The following RAB42 variants were observed in gnomAD, a reference collection of about 807,000 sequenced individuals.
RAB42 encodes ras-related protein Rab-42.
In RAB42, 4 loss-of-function variants were observed where a neutral mutation model predicts 7.5. That is an observed-to-expected ratio of 0.53 (90% confidence interval 0.26 to 1.22). The LOEUF (loss-of-function observed/expected upper bound fraction) is 1.22, where lower values mean the gene tolerates loss of function less well. Among genes scored for constraint, RAB42 ranks in the 50% most tolerant of loss-of-function variants. The pLI is 0.13. For missense variants in RAB42, 208 were observed against 281.2 expected (o/e 0.74, Z 1.86); for synonymous variants, 82 against 129.0 (o/e 0.64, Z 2.47).
At position 28,594,884 on chromosome 1, in the gene RAB42, C is replaced by T. The variant is rs749355393; in HGVS notation, c.*767C>T. ...GCTGATGCATGGGCAAAGGCAGGTG[C>T]GGGGAATTCCAGGGGGAGCTTGGCT... On this transcript the variant is annotated 3_prime_UTR_variant, in exon 2 of 2. Transcript: ENST00000465518. The T allele has an allele frequency of 4.8e-5, 8 of 167,226 alleles. No individual in the cohort carries two copies. Among genetic ancestry groups the T allele is most frequent in the Admixed American group, 1.3e-4 (2 of 15,290 alleles). The allele number at this position is 167,226 out of a possible 1,614,324, so 10.4% of individuals were successfully genotyped here.
At position 28,592,716 on chromosome 1, in the gene RAB42, T is replaced by G; in HGVS notation, c.205T>G (p.Trp69Gly). The G allele has an allele frequency of 8.1e-7, 1 of 1,229,260 alleles. No individual in the cohort carries two copies. Among genetic ancestry groups the G allele is most frequent in the Non-Finnish European group, 1.0e-6 (1 of 986,408 alleles). 76.1% of individuals were successfully genotyped at this position (1,229,260 alleles called of 1,614,324 possible). Reference sequence around the variant, plus strand: ...CGGGCCGCGGGTCAAGCTGCAACTCTGGGACACCGCGGGCCACGAGCGCTT... The same window carrying G: ...CGGGCCGCGGGTCAAGCTGCAACTCGGGGACACCGCGGGCCACGAGCGCTT... ...RAGPRVKLQL[W>G]DTAGHERFRC... Residue 69 changes from tryptophan to glycine, a missense_variant, in exon 1 of 2, where the codon TGG becomes GGG. Physicochemically the swap from Trp to Gly is radical, Grantham distance 184 (BLOSUM62 -2). Coordinates refer to ENST00000465518, the MANE Select transcript of RAB42 (RefSeq NM_001193532.3). The surrounding 1 kb of genome is among the most constrained non-coding windows in gnomAD (Gnocchi z 4.1).
Position 28,594,152 on chromosome 1 carries a change from T to G in RAB42, c.*35T>G. The G allele has an allele frequency of 6.6e-7, 1 of 1,521,018 alleles. No individual in the cohort carries two copies. Among genetic ancestry groups the G allele is most frequent in the Non-Finnish European group, 8.8e-7 (1 of 1,133,060 alleles). The allele number at this position is 1,521,018 out of a possible 1,614,324, so 94.2% of individuals were successfully genotyped here. A position where few individuals can be genotyped will look rare whatever the true frequency, so the allele number is the denominator to read the frequency against. On this transcript the variant is annotated 3_prime_UTR_variant, in exon 2 of 2. Transcript: ENST00000465518. ...AGAAAGGGTTAAAGCAGTCCCAGCC[T>G]TAGCCCACCTGGTGGGATGGGGAGT... is the stretch of plus-strand genomic sequence containing the variant.
intron 1 of RAB42, 73 bp from the exon 2 acceptor site, chr1:28,593,621 G>A (rs1163804196): frequency 3.5e-6 from 5 of 1,429,860 alleles, no homozygotes; most frequent in Non-Finnish European, 4.7e-6. Flanking sequence ...AGGGGGAGGA[G>A]GTCCTGCCTC....
At chr1:28,593,568 G>A in intron 1 of RAB42, 126 bp from the exon 2 acceptor site, 1 of 1,072,896 alleles carries the variant, frequency 9.3e-7, no homozygotes, top group African/African-American at 1.6e-5. Flanking sequence ...ACGGGGCCGT[G>A]TGAAGTGAGC....
At position 28,594,032 on chromosome 1, in the gene RAB42, G is replaced by A. The variant is rs756486630; in HGVS notation, c.572G>A (p.Gly191Asp). 2 of 1,613,770 alleles carry A rather than the reference G, an allele frequency of 1.2e-6. No homozygotes were observed. Among genetic ancestry groups the A allele is most frequent in the Non-Finnish European group, 1.7e-6 (2 of 1,179,834 alleles). ...LQQGDIKLEEGWGGVRLIHKT... is the reference protein window; with the variant it reads ...LQQGDIKLEEDWGGVRLIHKT... ...CAGGGGGACATCAAGCTAGAAGAGGGCTGGGGGGGTGTCCGGCTCATCCAC... is the reference window on the plus strand; with the variant it reads ...CAGGGGGACATCAAGCTAGAAGAGGACTGGGGGGGTGTCCGGCTCATCCAC... The change falls in exon 2 of 2, where the codon GGC becomes GAC. Residue 191 changes from glycine to aspartate, a missense_variant. Transcript: ENST00000465518.
intron 1 of RAB42, 146 bp from the exon 2 acceptor site, chr1:28,593,548 G>A: frequency 1.1e-6 from 1 of 924,956 alleles, no homozygotes; most frequent in Non-Finnish European, 1.6e-6. Flanking sequence ...AGACACCGAG[G>A]CAGAGAACCA....
rs1468099192 is a variant in RAB42 at position 28,595,338 on chromosome 1, T to C, written c.*1221T>C. 1 of 167,096 alleles carries C rather than the reference T, an allele frequency of 6.0e-6. No individual in the cohort carries two copies. The highest frequency in any genetic ancestry group is 1.5e-5 in the Non-Finnish European group (1 of 68,154). The allele number at this position is 167,096 out of a possible 1,614,324, so 10.4% of individuals were successfully genotyped here. On this transcript the variant is annotated 3_prime_UTR_variant, in exon 2 of 2. Coordinates refer to ENST00000465518, the MANE Select transcript of RAB42 (RefSeq NM_001193532.3). ...TCTGTGGGCTTCATTGAGGACACTG[T>C]TGTGACATCATAGCCAAGTTATCCC...
Position 28,592,791 on chromosome 1 carries a change from T to G in RAB42, c.233+47T>G, listed in dbSNP as rs1570280520. The G allele has an allele frequency of 1.0e-6, 1 of 988,176 alleles. No individual in the cohort carries two copies. Among genetic ancestry groups the G allele is most frequent in the Non-Finnish European group, 1.3e-6 (1 of 766,562 alleles). 61.2% of individuals were successfully genotyped at this position (988,176 alleles called of 1,614,324 possible). ...GAGGGACTTCTGGTGGGGGGCTCGG[T>G]GAGCGTGCTTTAGGCCACGGCAACT... On this transcript the variant is annotated intron_variant, in intron 1 of 1. Coordinates refer to ENST00000465518, the MANE Select transcript of RAB42 (RefSeq NM_001193532.3). This position sits in a 1 kb window ranked among gnomAD's most constrained non-coding sequence, Gnocchi z 4.1.
rs923766979 is a variant in RAB42 at position 28,592,485 on chromosome 1, C to G, written c.-27C>G. 11 of 1,159,668 alleles carry G rather than the reference C, an allele frequency of 9.5e-6. No individual in the cohort carries two copies. The African/African-American group carries it at 1.8e-4, about 19-fold the overall frequency. 71.8% of individuals were successfully genotyped at this position (1,159,668 alleles called of 1,614,324 possible). A position where few individuals can be genotyped will look rare whatever the true frequency, so the allele number is the denominator to read the frequency against. ...GGTCGGGGCGCGGACAAAACCGCCG[C>G]GGGGCGGCGGGGTGGCGGACGCGGC... On this transcript the variant is annotated 5_prime_UTR_variant, in exon 1 of 2. Coordinates refer to ENST00000465518, the MANE Select transcript of RAB42 (RefSeq NM_001193532.3). The surrounding 1 kb of genome is among the most constrained non-coding windows in gnomAD (Gnocchi z 4.1).
Position 28,594,322 on chromosome 1 carries a change from C to A in RAB42, c.*205C>A. On this transcript the variant is annotated 3_prime_UTR_variant, in exon 2 of 2. Transcript: ENST00000465518. Reference sequence around the variant, plus strand: ...AGGCATGGTGGCTCACGCCTGTAATCCTAGCATTTTTGGAGGCCAAGGACA... The same window carrying A: ...AGGCATGGTGGCTCACGCCTGTAATACTAGCATTTTTGGAGGCCAAGGACA... 1 of 578,880 alleles carries A rather than the reference C, an allele frequency of 1.7e-6. No homozygotes were observed. The highest frequency in any genetic ancestry group is 2.9e-5 in the South Asian group (1 of 34,024). 35.9% of individuals were successfully genotyped at this position (578,880 alleles called of 1,614,324 possible).
rs1666417067 is a variant in RAB42, at chr1:28,595,396, A to T, written c.*1279A>T. The T allele has an allele frequency of 6.0e-6, 1 of 166,988 alleles. No individual in the cohort carries two copies. Among genetic ancestry groups the T allele is most frequent in the South Asian group, 2.1e-4 (1 of 4,820 alleles). The allele number at this position is 166,988 out of a possible 1,614,324, so 10.3% of individuals were successfully genotyped here. A position where few individuals can be genotyped will look rare whatever the true frequency, so the allele number is the denominator to read the frequency against. On this transcript the variant is annotated 3_prime_UTR_variant, in exon 2 of 2. Coordinates refer to ENST00000465518, the MANE Select transcript of RAB42 (RefSeq NM_001193532.3). ...AATCCTGCTTCCTTTTCTTCCCCAAACAGGTATCCATTTCAAGAATATCCC... is the reference window on the plus strand; with the variant it reads ...AATCCTGCTTCCTTTTCTTCCCCAATCAGGTATCCATTTCAAGAATATCCC...
rs2124271733 is a variant in RAB42, at chr1:28,594,567, T to C, written c.*450T>C. The C allele has an allele frequency of 6.0e-6, 1 of 166,416 alleles. No homozygotes were observed. The highest frequency in any genetic ancestry group is 2.4e-5 in the African/African-American group (1 of 41,160). 10.3% of individuals were successfully genotyped at this position (166,416 alleles called of 1,614,324 possible). The stretch of plus-strand genomic sequence containing the variant: ...TCCAGCCTGGGCAACAGAGTGAGAC[T>C]CTGTTTCAAAAAAAAAAAAGAAAAG... On this transcript the variant is annotated 3_prime_UTR_variant, in exon 2 of 2. Transcript: ENST00000465518.
Position 28,592,312 on chromosome 1 carries a change from C to T in RAB42, c.-200C>T, listed in dbSNP as rs80062115. ...TGAAGTAGGGGTCATCATTAGCCCC[C>T]TTTTACAGAGGAGAGAATTGAGGCT... On this transcript the variant is annotated 5_prime_UTR_variant, in exon 1 of 2. Transcript: ENST00000465518. The surrounding 1 kb of genome is among the most constrained non-coding windows in gnomAD (Gnocchi z 4.1). 5.2e-6 allele frequency: 1 copy of T among 193,906 alleles called. No homozygotes were observed. Among genetic ancestry groups the T allele is most frequent in the African/African-American group, 2.4e-5 (1 of 42,462 alleles). The allele number at this position is 193,906 out of a possible 1,614,324, so 12.0% of individuals were successfully genotyped here. A position where few individuals can be genotyped will look rare whatever the true frequency, so the allele number is the denominator to read the frequency against.
chr1:28,592,783 G>A lies in RAB42; in HGVS notation c.233+39G>A, dbSNP rs552022523. 863 of 1,050,112 alleles carry A rather than the reference G, an allele frequency of 8.2e-4. 1 individual carries two copies. The highest frequency in any genetic ancestry group is 1.0e-3 in the Non-Finnish European group (823 of 822,712). The allele number at this position is 1,050,112 out of a possible 1,614,324, so 65.0% of individuals were successfully genotyped here. On this transcript the variant is annotated intron_variant, in intron 1 of 1. Coordinates refer to ENST00000465518, the MANE Select transcript of RAB42 (RefSeq NM_001193532.3). This position sits in a 1 kb window ranked among gnomAD's most constrained non-coding sequence, Gnocchi z 4.1. The stretch of plus-strand genomic sequence containing the variant: ...GGGCGCGGGAGGGACTTCTGGTGGG[G>A]GGCTCGGTGAGCGTGCTTTAGGCCA...
Position 28,594,048 on chromosome 1 carries a change from G to A in RAB42, c.588G>A (p.Arg196=), listed in dbSNP as rs1557450416. 1 of 1,613,468 alleles carries A rather than the reference G, an allele frequency of 6.2e-7. No homozygotes were observed. The highest frequency in any genetic ancestry group is 8.5e-7 in the Non-Finnish European group (1 of 1,179,572). The change falls in exon 2 of 2, where the codon CGG becomes CGA. Residue 196 remains arginine, a synonymous_variant. Coordinates refer to ENST00000465518, the MANE Select transcript of RAB42 (RefSeq NM_001193532.3). ...IKLEEGWGGV[R]LIHKTQIPRS... ...TAGAAGAGGGCTGGGGGGGTGTCCGGCTCATCCACAAGACCCAAATCCCCA... is the reference window on the plus strand; with the variant it reads ...TAGAAGAGGGCTGGGGGGGTGTCCGACTCATCCACAAGACCCAAATCCCCA...
At position 28,592,691 on chromosome 1, in the gene RAB42, C is replaced by G. The variant is rs1454228665; in HGVS notation, c.180C>G (p.Ala60=). The stretch of plus-strand genomic sequence containing the variant: ...ACCGCCGCGCGCTGCAGCTGCGGGC[C>G]GGGCCGCGGGTCAAGCTGCAACTCT... ...ECYRRALQLR[A]GPRVKLQLWD... The change falls in exon 1 of 2, where the codon GCC becomes GCG. Residue 60 remains alanine, a synonymous_variant. Coordinates refer to ENST00000465518, the MANE Select transcript of RAB42 (RefSeq NM_001193532.3). This position sits in a 1 kb window ranked among gnomAD's most constrained non-coding sequence, Gnocchi z 4.1. 1 of 1,229,592 alleles carries G rather than the reference C, an allele frequency of 8.1e-7. No homozygotes were observed. Among genetic ancestry groups the G allele is most frequent in the Non-Finnish European group, 1.0e-6 (1 of 986,732 alleles). 76.2% of individuals were successfully genotyped at this position (1,229,592 alleles called of 1,614,324 possible).
intron 1 of RAB42, among the ~76,000 whole-genome samples, chr1:28,593,303 A>C (rs1666360261): frequency 6.6e-6 from 1 of 151,596 alleles, no homozygotes; most frequent in Non-Finnish European, 1.5e-5. Context: ...TCCTGGGTTC[A>C]CGCCATTCTC....
chr1:28,594,575 A>C lies in RAB42; in HGVS notation c.*458A>C, dbSNP rs544775421. 1 of 150,560 alleles carries C rather than the reference A, an allele frequency of 6.6e-6. No homozygotes were observed. Among genetic ancestry groups the C allele is most frequent in the East Asian group, 2.1e-4 (1 of 4,856 alleles). The allele number at this position is 150,560 out of a possible 1,614,324, so 9.3% of individuals were successfully genotyped here. On this transcript the variant is annotated 3_prime_UTR_variant, in exon 2 of 2. Transcript: ENST00000465518. ...GGGCAACAGAGTGAGACTCTGTTTC[A>C]AAAAAAAAAAAGAAAAGAAAAGAAA...
chr1:28,594,411 C>T lies in RAB42; in HGVS notation c.*294C>T. 3.4e-6 allele frequency: 1 copy of T among 295,854 alleles called. No homozygotes were observed. The highest frequency in any genetic ancestry group is 6.4e-6 in the Non-Finnish European group (1 of 156,054). The allele number at this position is 295,854 out of a possible 1,614,324, so 18.3% of individuals were successfully genotyped here. A position where few individuals can be genotyped will look rare whatever the true frequency, so the allele number is the denominator to read the frequency against. ...CCAACATGGTGAAACCCTGTCTCTA[C>T]TAAAAATACAAAAATTAGCCAGGCG... On this transcript the variant is annotated 3_prime_UTR_variant, in exon 2 of 2. Coordinates refer to ENST00000465518, the MANE Select transcript of RAB42 (RefSeq NM_001193532.3).
Sources: gnomAD v4.1 joint callset for allele counts (sites outside exome capture counted in the v4.1 genomes callset) on GRCh38, gnomAD v4.1.1 for gene constraint, Gnocchi (gnomAD v3.1) non-coding constraint, MANE v1.5 for transcripts, NCBI Gene and HGNC (gene_info 2026-07-23, HGNC 2026-07-21) for gene names.